SNX27: variants seen among roughly 807,000 people sequenced by gnomAD.
The protein encoded by SNX27 is sorting nexin-27.
SNX27 carries 22 observed loss-of-function variants against 71.6 expected under a neutral mutation model. The observed-to-expected ratio is 0.31, with a 90% CI of 0.22 to 0.44. The LOEUF (loss-of-function observed/expected upper bound fraction) is 0.44, where lower values mean the gene tolerates loss of function less well. Ranked by LOEUF, SNX27 falls within the 20% of genes least tolerant of loss-of-function variation. The pLI is 1.00. For synonymous variants in SNX27, 269 were observed against 277.2 expected, an observed-to-expected ratio of 0.97 and a Z score of 0.29; for missense variants, 531 against 698.6, an observed-to-expected ratio of 0.76 and a Z score of 2.70.
chr1:151,691,738 T>C (rs797001700), intron 8 of SNX27, among the ~76,000 whole-genome samples: 4 of 152,110 alleles, frequency 2.6e-5, no homozygotes, highest in African/African-American at 9.6e-5. Flanking sequence ...ATGGTCTTGA[T>C]TTCCTGACCT....
chr1:151,685,017 C>T (rs1273475847), intron 8 of SNX27, among the ~76,000 whole-genome samples: 1 of 152,026 alleles, frequency 6.6e-6, no homozygotes, highest in Non-Finnish European at 1.5e-5. Context: ...CCATGTTGGC[C>T]AGGCTGGTCT....
chr1:151,637,291 G>A (rs963390857), intron 1 of SNX27, among the ~76,000 whole-genome samples: 1 of 151,310 alleles, frequency 6.6e-6, no homozygotes, highest in African/African-American at 2.4e-5. Flanking sequence ...CCATTCTCCT[G>A]CCTCAGCCTC....
rs535950190 is a variant in SNX27, at chr1:151,650,412, A to G, written c.544-7823A>G. Among the ~76,000 whole-genome samples, 42 of 152,120 alleles carry G rather than the reference A, an allele frequency of 2.8e-4. No individual in the cohort carries two copies. In the South Asian group the frequency reaches 8.5e-3, roughly 31 times the overall value. Reference sequence around the variant, plus strand: ...GTTTCTTATTTGTCCTGCTTGAGGAATATGTGGTTTGATATCTTTTATTAT... The same window carrying G: ...GTTTCTTATTTGTCCTGCTTGAGGAGTATGTGGTTTGATATCTTTTATTAT... On this transcript the variant is annotated intron_variant, in intron 2 of 11. Coordinates refer to ENST00000458013, the MANE Select transcript of SNX27 (RefSeq NM_001330723.2).
At chr1:151,638,258 T>C (rs1346339931) in intron 1 of SNX27, among the ~76,000 whole-genome samples, 1 of 152,216 alleles carries the variant, frequency 6.6e-6, no homozygotes, top group Non-Finnish European at 1.5e-5. Context: ...AAGAGGTTAA[T>C]TGAATTGGAA....
chr1:151,651,974 C>T (rs937895339), intron 2 of SNX27, among the ~76,000 whole-genome samples: 22 of 152,276 alleles, frequency 1.4e-4, no homozygotes, highest in African/African-American at 2.6e-4. Flanking sequence ...CCGAGGCTGG[C>T]GGATCACTTG....
rs973720939 is a variant in SNX27, at chr1:151,697,064, TCA to T, written c.*2650_*2651del. On this transcript the variant is annotated 3_prime_UTR_variant, in exon 12 of 12. Transcript: ENST00000458013. Reference sequence around the variant, plus strand: ...TCACCTTCTCCAAATCTAGGTGAAATCACAGAGTACAAAACGTGAGAATGCTG... The same window carrying T: ...TCACCTTCTCCAAATCTAGGTGAAATCAGAGTACAAAACGTGAGAATGCTG... The T allele has an allele frequency of 1.3e-5, 2 of 152,256 alleles. No individual in the cohort carries two copies. Among genetic ancestry groups the T allele is most frequent in the Admixed American group, 6.5e-5 (1 of 15,296 alleles). 9.4% of individuals were successfully genotyped at this position (152,256 alleles called of 1,614,324 possible).
intron 6 of SNX27, among the ~76,000 whole-genome samples, chr1:151,667,896 T>C (rs1383759773): frequency 6.6e-6 from 1 of 152,086 alleles, no homozygotes; most frequent in South Asian, 2.1e-4. Context: ...GGATTAGATA[T>C]TTTAACTAAA....
chr1:151,689,854 T>TC (rs1216679461), intron 8 of SNX27, among the ~76,000 whole-genome samples: 2 of 152,230 alleles, frequency 1.3e-5, no homozygotes, highest in East Asian at 3.9e-4. Flanking sequence ...TATATACTTT[T>TC]TTTTTTTTGA....
rs1160189114 is a variant in SNX27, at chr1:151,639,253, C to T, written c.543+134C>T. 3 of 705,148 alleles carry T rather than the reference C, an allele frequency of 4.3e-6. No homozygotes were observed. The South Asian group carries it at 6.0e-5, about 14-fold the overall frequency. The allele number at this position is 705,148 out of a possible 1,614,324, so 43.7% of individuals were successfully genotyped here. On this transcript the variant is annotated intron_variant, in intron 2 of 11. Transcript: ENST00000458013. Reference sequence around the variant, plus strand: ...TGTCTACCAGGAGGATGAGTTCACACATAAATAAAAGACACTGACCCTGAT... The same window carrying T: ...TGTCTACCAGGAGGATGAGTTCACATATAAATAAAAGACACTGACCCTGAT...
chr1:151,625,535 T>G (rs1667886150), intron 1 of SNX27, among the ~76,000 whole-genome samples: 1 of 149,620 alleles, frequency 6.7e-6, no homozygotes, highest in Admixed American at 6.7e-5. Flanking sequence ...TAAAAAAATA[T>G]TGGTATAAAG....
chr1:151,631,254 T>A (rs774467589), intron 1 of SNX27, among the ~76,000 whole-genome samples: 1 of 152,196 alleles, frequency 6.6e-6, no homozygotes, highest in East Asian at 1.9e-4. Context: ...TCAAAGGAAG[T>A]GTCTCTCTTC....
chr1:151,669,464 C>G (rs1223575524), intron 7 of SNX27: 1 of 152,182 alleles, frequency 6.6e-6, no homozygotes, highest in Non-Finnish European at 1.5e-5. Flanking sequence ...ATACTCTTCA[C>G]CAGTTGTCTA....
rs182061174 is a variant in SNX27 at position 151,633,751 on chromosome 1, G to A, written c.312-5137G>A. Among the ~76,000 whole-genome samples the A allele has an allele frequency of 4.6e-5, 7 of 152,276 alleles. No individual in the cohort carries two copies. The East Asian group carries it at 1.4e-3, about 29-fold the overall frequency. Reference sequence around the variant, plus strand: ...TTTTCTGTCTCACTTTCCTCCCGCCGAGTGTATTTTTGAGATTTATCTATG... The same window carrying A: ...TTTTCTGTCTCACTTTCCTCCCGCCAAGTGTATTTTTGAGATTTATCTATG... On this transcript the variant is annotated intron_variant, in intron 1 of 11. Transcript: ENST00000458013.
At chr1:151,689,283 A>G (rs902654464) in intron 8 of SNX27, among the ~76,000 whole-genome samples, 2 of 152,188 alleles carry the variant, frequency 1.3e-5, no homozygotes, top group African/African-American at 2.4e-5. Flanking sequence ...GTGGAACTAG[A>G]ATTTGAAAAT....
intron 11 of SNX27, chr1:151,693,845 G>T: frequency 7.0e-7 from 1 of 1,431,638 alleles, no homozygotes; most frequent in Non-Finnish European, 9.1e-7. Context: ...CGTCTTGACT[G>T]GATGAGTCCT....
chr1:151,659,921 T>C (rs1482436924), intron 3 of SNX27: 3 of 152,240 alleles, frequency 2.0e-5, no homozygotes, highest in Non-Finnish European at 4.4e-5. Context: ...TCATTCTGTT[T>C]CCTTGTAACT....
chr1:151,663,185 C>G (rs971478156), intron 5 of SNX27, among the ~76,000 whole-genome samples: 5 of 148,612 alleles, frequency 3.4e-5, no homozygotes, highest in Non-Finnish European at 5.9e-5. Flanking sequence ...GAGTCTTGCT[C>G]TGTCGCCCAG....
chr1:151,650,650 G>A (rs185044743), intron 2 of SNX27, among the ~76,000 whole-genome samples: 1 of 151,788 alleles, frequency 6.6e-6, no homozygotes, highest in Non-Finnish European at 1.5e-5. Context: ...TTTCTCACAG[G>A]GGGGATTTGG....
At chr1:151,621,832 T>C (rs975632620) in intron 1 of SNX27, among the ~76,000 whole-genome samples, 3 of 152,220 alleles carry the variant, frequency 2.0e-5, no homozygotes, top group Non-Finnish European at 4.4e-5. Flanking sequence ...TTTTGGAAAC[T>C]TTTTCTACTT....
Sources: gnomAD v4.1 joint callset for allele counts (sites outside exome capture counted in the v4.1 genomes callset) on GRCh38, gnomAD v4.1.1 for gene constraint, MANE v1.5 for transcripts, NCBI Gene and HGNC (gene_info 2026-07-23, HGNC 2026-07-21) for gene names.